Variants in KLHL5 observed in about 807,000 individuals in gnomAD.
The protein encoded by KLHL5 is kelch like family member 5, also known as kelch-like protein 5.
KLHL5 carries 48 observed loss-of-function variants against 77.7 expected under a neutral mutation model. That is an observed-to-expected ratio of 0.62 (90% CI 0.49 to 0.79). The LOEUF (loss-of-function observed/expected upper bound fraction) is 0.79. KLHL5 is among the 30% of genes least tolerant of loss of function. KLHL5 has a pLI of 0.00. For synonymous variants in KLHL5, 260 were observed against 297.0 expected (o/e 0.88, Z 1.28); for missense variants, 723 against 859.7 (o/e 0.84, Z 1.99).
intron 1 of KLHL5, among the ~76,000 whole-genome samples, chr4:39,048,779 GAT>G (rs1716407153): frequency 6.6e-6 from 1 of 151,666 alleles, no homozygotes; most frequent in African/African-American, 2.4e-5. Flanking sequence ...GAGTAGGTGG[GAT>G]TACAGGCGCC....
chr4:39,077,949 A>G (rs1206689854), intron 2 of KLHL5, among the ~76,000 whole-genome samples: 1 of 152,202 alleles, frequency 6.6e-6, no homozygotes, highest in Non-Finnish European at 1.5e-5. Context: ...CTCACCTATA[A>G]AAAGGAATGA....
the KLHL5 span, among the ~76,000 whole-genome samples, chr4:39,137,476 T>C: frequency 6.6e-6 from 1 of 152,048 alleles, no homozygotes; most frequent in Non-Finnish European, 1.5e-5. Flanking sequence ...AATAAAAAAT[T>C]ATCTGAGCAT....
At chr4:39,133,736 A>G in the KLHL5 span, among the ~76,000 whole-genome samples, 1 of 152,198 alleles carries the variant, frequency 6.6e-6, no homozygotes, top group African/African-American at 2.4e-5. Context: ...AGACCTAGAA[A>G]CTATAGCTCT....
chr4:39,093,195 C>A (rs143718184), intron 5 of KLHL5: 3 of 452,264 alleles, frequency 6.6e-6, no homozygotes, highest in Non-Finnish European at 8.9e-6. Flanking sequence ...AGCACTGATA[C>A]GAGGAGCTAC....
rs975667529 is a variant in KLHL5, at chr4:39,124,848, T to C, written c.*3782T>C. 1.6e-5 allele frequency among the ~76,000 whole-genome samples: 2 copies of C among 123,244 alleles called. No homozygotes were observed. The highest frequency in any genetic ancestry group is 6.5e-5 in the African/African-American group (2 of 30,914). The allele number at this position is 123,244 out of a possible 152,430, so 80.9% of individuals were successfully genotyped here. A position where few individuals can be genotyped will look rare whatever the true frequency, so the allele number is the denominator to read the frequency against. ...AAAATCAAAATTAAAAGCTTCTACATATCAAGGGACACTATGAAGAAAGTG... is the reference window on the plus strand; with the variant it reads ...AAAATCAAAATTAAAAGCTTCTACACATCAAGGGACACTATGAAGAAAGTG... On this transcript the variant is annotated 3_prime_UTR_variant, in exon 11 of 11. Coordinates refer to ENST00000504108, the MANE Select transcript of KLHL5 (RefSeq NM_015990.5).
At chr4:39,072,814 AAGAG>A (rs1718612292) in intron 1 of KLHL5, among the ~76,000 whole-genome samples, 1 of 152,182 alleles carries the variant, frequency 6.6e-6, no homozygotes, top group Non-Finnish European at 1.5e-5. Context: ...GGGAGTGCCA[AAGAG>A]AGACTTGGGT....
At chr4:39,111,085 T>G (rs1036035) in intron 8 of KLHL5, among the ~76,000 whole-genome samples, 11,018 of 152,250 alleles carry the variant, frequency 0.072, 1,334 homozygotes, top group African/African-American at 0.25. Flanking sequence ...AATGATTATT[T>G]AGGAAGTGTT....
At chr4:39,104,266 GA>G (rs1209465136) in intron 7 of KLHL5, among the ~76,000 whole-genome samples, 3 of 152,130 alleles carry the variant, frequency 2.0e-5, no homozygotes, top group African/African-American at 7.2e-5. Flanking sequence ...AAGACACAGA[GA>G]AGGAGCTTAA....
chr4:39,062,869 C>G lies in KLHL5; in HGVS notation c.217C>G (p.Gln73Glu). ...LASIGYRRSS[Q>E]LDFQNSPSWP... Reference sequence around the variant, plus strand: ...TTCAATTGGTTACCGAAGGTCCAGCCAACTGGATTTTCAGAATTCACCTTC... The same window carrying G: ...TTCAATTGGTTACCGAAGGTCCAGCGAACTGGATTTTCAGAATTCACCTTC... Residue 73 changes from glutamine to glutamate, a missense_variant, in exon 1 of 11, where the codon CAA (glutamine) becomes GAA (glutamate). By Grantham distance (29) the Gln-to-Glu change is conservative. Transcript: ENST00000504108. The G allele has an allele frequency of 6.2e-7, 1 of 1,614,184 alleles. No individual in the cohort carries two copies. The highest frequency in any genetic ancestry group is 8.5e-7 in the Non-Finnish European group (1 of 1,180,032).
intron 1 of KLHL5, among the ~76,000 whole-genome samples, chr4:39,074,899 G>A (rs1718862043): frequency 2.0e-5 from 3 of 152,044 alleles, no homozygotes; most frequent in Non-Finnish European, 2.9e-5. Context: ...ATAACCAACC[G>A]ACTTTGATTA....
intron 1 of KLHL5, among the ~76,000 whole-genome samples, chr4:39,066,919 A>AT (rs1032515448): frequency 6.6e-6 from 1 of 152,132 alleles, no homozygotes. Context: ...AAGAAACTTT[A>AT]TTTTTTTAGA....
chr4:39,096,857 G>A lies in KLHL5; in HGVS notation c.1279G>A (p.Gly427Arg). ...AACTGTTGGTACATTATTTGCAGTT[G>A]GGGGAATGGATTCAACAAAAGGTAT... ...KSTVGTLFAV[G>R]GMDSTKGATS... is the part of the protein sequence containing the mutation. The change falls in exon 6 of 11, where the codon GGG becomes AGG. Residue 427 changes from glycine (G) to arginine (R), a missense_variant. Physicochemically the swap from Gly to Arg is moderately radical, Grantham distance 125. Transcript: ENST00000504108. The A allele has an allele frequency of 6.2e-7, 1 of 1,613,414 alleles. No homozygotes were observed. Among genetic ancestry groups the A allele is most frequent in the South Asian group, 1.1e-5 (1 of 91,046 alleles).
intron 8 of KLHL5, among the ~76,000 whole-genome samples, chr4:39,111,491 T>A (rs1488890298): frequency 1.3e-5 from 2 of 152,136 alleles, no homozygotes; most frequent in Non-Finnish European, 2.9e-5. Flanking sequence ...GCCTATTGTG[T>A]GTGGGTATGT....
chr4:39,133,139 G>A, the KLHL5 span, among the ~76,000 whole-genome samples: 4 of 151,860 alleles, frequency 2.6e-5, no homozygotes, highest in African/African-American at 9.7e-5. Flanking sequence ...AATTATTCAG[G>A]TCAATTTTTC....
At chr4:39,106,291 A>G (rs1167487780) in intron 7 of KLHL5, among the ~76,000 whole-genome samples, 3 of 152,130 alleles carry the variant, frequency 2.0e-5, no homozygotes, top group Admixed American at 1.3e-4. Flanking sequence ...CTGGTTTCCC[A>G]ACTTCATTCA....
chr4:39,112,980 G>A, intron 8 of KLHL5, 40 bp from the exon 9 acceptor site: 2 of 1,554,006 alleles, frequency 1.3e-6, no homozygotes, highest in Non-Finnish European at 1.8e-6. Context: ...AAGCATAATG[G>A]CACATGTCTT....
intron 1 of KLHL5, among the ~76,000 whole-genome samples, chr4:39,069,568 A>ATATATATATATATATATAT (rs1718279187): frequency 6.9e-6 from 1 of 144,602 alleles, no homozygotes; most frequent in African/African-American, 2.6e-5. Flanking sequence ...ATATATATAT[A>ATATATATATATATATATAT]AACCATAGAG....
Position 39,062,342 on chromosome 4 carries a change from C to CA in KLHL5, c.-311_-310insA. ...TGAATGCTGTCAGTGTTTGTGAGACCTAATGGTCAGTATGGGAAAGGAGAG... is the reference window on the plus strand; with the variant it reads ...TGAATGCTGTCAGTGTTTGTGAGACCATAATGGTCAGTATGGGAAAGGAGAG... On this transcript the variant is annotated 5_prime_UTR_variant, in exon 1 of 11. It removes the in-frame stop codon of an upstream open reading frame in the 5' UTR. Coordinates refer to ENST00000504108, the MANE Select transcript of KLHL5 (RefSeq NM_015990.5). 7.0e-7 allele frequency: 1 copy of CA among 1,419,520 alleles called. No individual in the cohort carries two copies. Among genetic ancestry groups the CA allele is most frequent in the South Asian group, 1.6e-5 (1 of 63,638 alleles). The allele number at this position is 1,419,520 out of a possible 1,614,324, so 87.9% of individuals were successfully genotyped here.
At chr4:39,092,927 C>G (rs1458118622) in intron 5 of KLHL5, among the ~76,000 whole-genome samples, 1 of 152,206 alleles carries the variant, frequency 6.6e-6, no homozygotes, top group Non-Finnish European at 1.5e-5. Flanking sequence ...GGGGCTGCCA[C>G]TTTAGAAAAC....
Sources: gnomAD v4.1 joint callset for allele counts (sites outside exome capture counted in the v4.1 genomes callset) on GRCh38, gnomAD v4.1.1 for gene constraint, MANE v1.5 for transcripts, NCBI Gene and HGNC (gene_info 2026-07-23, HGNC 2026-07-21) for gene names.